The following CTNNA2 variants were observed in gnomAD, a reference collection of about 807,000 sequenced individuals.
CTNNA2 encodes catenin alpha-2.
Under a neutral mutation model 101.0 loss-of-function variants are expected in CTNNA2, and 42 were observed. That is an observed-to-expected ratio of 0.42 (90% CI 0.32 to 0.54). The LOEUF is 0.54. Among genes scored for constraint, CTNNA2 ranks in the 20% least tolerant of loss-of-function variants. The pLI is 0.14. For synonymous variants in CTNNA2, 450 were observed against 456.4 expected, an observed-to-expected ratio of 0.99 and a Z score of 0.18; for missense variants, 871 against 1,223.1, an observed-to-expected ratio of 0.71 and a Z score of 4.29.
rs34388865 is a variant in CTNNA2, at chr2:80,005,773, G to GT, written c.1056+95988dup. ...CTCAAGTTTATCACTATGTTTATTT[G>GT]TTTTTTTTTTTTAAACAAGCACAGC... is the stretch of plus-strand genomic sequence containing the variant. On this transcript the variant is annotated intron_variant, in intron 7 of 18. Transcript: ENST00000402739. Among the ~76,000 whole-genome samples, 1,412 of 147,418 alleles carry GT rather than the reference G, an allele frequency of 9.6e-3. 23 individuals carry two copies. The highest frequency in any genetic ancestry group is 0.027 in the African/African-American group (1,098 of 40,132).
intron 2 of CTNNA2, among the ~76,000 whole-genome samples, chr2:79,250,971 G>T (rs189857909): frequency 3.3e-5 from 5 of 152,218 alleles, no homozygotes; most frequent in Admixed American, 2.6e-4. Flanking sequence ...AAATGCAAAC[G>T]AGTTTATTTG....
intron 7 of CTNNA2, among the ~76,000 whole-genome samples, chr2:80,261,460 C>T (rs1462695406): frequency 6.6e-6 from 1 of 151,882 alleles, no homozygotes; most frequent in Non-Finnish European, 1.5e-5. Context: ...TCAAGCACTG[C>T]GTAATATATT....
chr2:79,894,299 T>A (rs949412144), intron 6 of CTNNA2, among the ~76,000 whole-genome samples: 3 of 152,020 alleles, frequency 2.0e-5, no homozygotes, highest in African/African-American at 7.2e-5. Context: ...GCCTGGATCA[T>A]TGCAATAACT....
chr2:80,620,839 A>C (rs1046367154), intron 18 of CTNNA2, among the ~76,000 whole-genome samples: 2 of 151,884 alleles, frequency 1.3e-5, no homozygotes, highest in Non-Finnish European at 2.9e-5. Flanking sequence ...CTTGGGACAC[A>C]ATCATCTTTA....
At chr2:80,519,082 A>T (rs57493148) in intron 9 of CTNNA2, among the ~76,000 whole-genome samples, 1 of 152,104 alleles carries the variant, frequency 6.6e-6, no homozygotes, top group Non-Finnish European at 1.5e-5. Flanking sequence ...GCTTGATTTG[A>T]TAAGGGAATA....
intron 7 of CTNNA2, among the ~76,000 whole-genome samples, chr2:80,031,681 T>C (rs149548595): frequency 4.6e-5 from 7 of 152,342 alleles, no homozygotes; most frequent in Non-Finnish European, 5.9e-5. Flanking sequence ...TTTCACCTTT[T>C]ATTTTATAAA....
Position 79,278,260 on chromosome 2 carries a change from G to A in CTNNA2, c.-405-34449G>A, listed in dbSNP as rs138457529. Among the ~76,000 whole-genome samples, 387 of 152,082 alleles carry A rather than the reference G, an allele frequency of 2.5e-3. 1 individual carries two copies. The highest frequency in any genetic ancestry group is 8.8e-3 in the African/African-American group (365 of 41,512). ...AATGGGTCATAAGTAGCAACCCCAG[G>A]GACACTATTGGCAATTACCAATCAG... On this transcript the variant is annotated intron_variant, in intron 2 of 21. Transcript: ENST00000466387.
At chr2:80,422,142 C>T (rs1680580673) in intron 9 of CTNNA2, among the ~76,000 whole-genome samples, 1 of 152,278 alleles carries the variant, frequency 6.6e-6, no homozygotes, top group African/African-American at 2.4e-5. Context: ...CACAGTTACA[C>T]ATATGTGGGG....
intron 7 of CTNNA2, among the ~76,000 whole-genome samples, chr2:80,151,938 C>G (rs1350206312): frequency 6.6e-6 from 1 of 152,212 alleles, no homozygotes; most frequent in Non-Finnish European, 1.5e-5. Flanking sequence ...AGCTTTGCTT[C>G]CCCCCTGCTG....
At chr2:80,108,061 A>C (rs969997652) in intron 7 of CTNNA2, among the ~76,000 whole-genome samples, 1 of 152,210 alleles carries the variant, frequency 6.6e-6, no homozygotes, top group Non-Finnish European at 1.5e-5. Context: ...GAAAAAGGAC[A>C]TTTAATAAGG....
At chr2:80,074,141 GATTTATTTAGTATTT>G (rs1698531713) in intron 7 of CTNNA2, among the ~76,000 whole-genome samples, 1 of 151,806 alleles carries the variant, frequency 6.6e-6, no homozygotes. Context: ...ATTATGGCTT[GATTTATTTAGTATTT>G]ATTTATTTAG....
intron 4 of CTNNA2, among the ~76,000 whole-genome samples, chr2:79,391,036 G>A (rs1425107195): frequency 6.6e-6 from 1 of 152,174 alleles, no homozygotes; most frequent in Non-Finnish European, 1.5e-5. Context: ...CAAGGAGTGA[G>A]GAGGTTCTGA....
intron 9 of CTNNA2, among the ~76,000 whole-genome samples, chr2:80,477,383 A>T (rs2149493986): frequency 6.6e-6 from 1 of 152,288 alleles, no homozygotes; most frequent in East Asian, 1.9e-4. Context: ...CAATAGATTT[A>T]TGGGTACAAG....
At chr2:80,548,921 C>A (rs1405541259) in intron 11 of CTNNA2, among the ~76,000 whole-genome samples, 1 of 152,090 alleles carries the variant, frequency 6.6e-6, no homozygotes, top group Non-Finnish European at 1.5e-5. Context: ...AGGGGAATAT[C>A]TCTTTGGTCA....
intron 17 of CTNNA2, 149 bp downstream of exon 17, chr2:80,608,467 G>A: frequency 1.4e-6 from 1 of 706,340 alleles, no homozygotes; most frequent in Non-Finnish European, 2.1e-6. Context: ...CATTATTCCA[G>A]ACCTTACAAT....
chr2:80,438,732 A>G (rs1367990716), intron 9 of CTNNA2, among the ~76,000 whole-genome samples: 1 of 152,032 alleles, frequency 6.6e-6, no homozygotes, highest in African/African-American at 2.4e-5. Context: ...AACTAGTGAT[A>G]CTCCTCATTC....
intron 1 of CTNNA2, among the ~76,000 whole-genome samples, chr2:79,579,755 C>A (rs1676032955): frequency 6.6e-6 from 1 of 152,152 alleles, no homozygotes; most frequent in South Asian, 2.1e-4. Context: ...GCTGGGATTA[C>A]AGGCATGTAC....
chr2:79,870,920 G>A (rs1009424194), intron 5 of CTNNA2, among the ~76,000 whole-genome samples: 1 of 152,152 alleles, frequency 6.6e-6, no homozygotes, highest in African/African-American at 2.4e-5. Context: ...GATGAGATTT[G>A]GGTGGGGACA....
intron 3 of CTNNA2, among the ~76,000 whole-genome samples, chr2:79,779,293 G>A (rs1674245354): frequency 6.6e-6 from 1 of 152,118 alleles, no homozygotes; most frequent in Non-Finnish European, 1.5e-5. Flanking sequence ...AAGGGTGACT[G>A]GCCTCTTCAA....
Sources: gnomAD v4.1 joint callset for allele counts (sites outside exome capture counted in the v4.1 genomes callset) on GRCh38, gnomAD v4.1.1 for gene constraint, MANE v1.5 for transcripts, NCBI Gene and HGNC (gene_info 2026-07-23, HGNC 2026-07-21) for gene names.